Variants in ZPBP observed in about 807,000 individuals in gnomAD.
ZPBP encodes zona pellucida binding protein.
In ZPBP, 26 loss-of-function variants were observed where a neutral mutation model predicts 44.8. That is an observed-to-expected ratio of 0.58 (90% CI 0.43 to 0.81). ZPBP has a LOEUF of 0.81. ZPBP is among the 30% of genes least tolerant of loss of function. The pLI is 0.00. For missense variants in ZPBP, 409 were observed against 434.0 expected (o/e 0.94, Z 0.51); for synonymous variants, 174 against 153.2 (o/e 1.14, Z -1.00).
chr7:50,084,535 A>G (rs1037494464), intron 2 of ZPBP, among the ~76,000 whole-genome samples: 5 of 151,942 alleles, frequency 3.3e-5, no homozygotes, highest in African/African-American at 1.2e-4. Flanking sequence ...AGGGTCACAA[A>G]TCTGAAAAGT....
chr7:49,858,395 G>A (rs1790510892), intron 2 of ZPBP, among the ~76,000 whole-genome samples: 1 of 152,104 alleles, frequency 6.6e-6, no homozygotes, highest in Non-Finnish European at 1.5e-5. Context: ...ATGAGTTCAT[G>A]TCCTTTGTAG....
chr7:49,892,323 A>G (rs923355353), intron 2 of ZPBP, among the ~76,000 whole-genome samples: 9 of 152,022 alleles, frequency 5.9e-5, no homozygotes, highest in East Asian at 3.9e-4. Flanking sequence ...TGGGATTACA[A>G]GCGTGAGCCA....
At chr7:50,072,237 G>A (rs963839342) in intron 3 of ZPBP, among the ~76,000 whole-genome samples, 4 of 152,206 alleles carry the variant, frequency 2.6e-5, no homozygotes, top group African/African-American at 9.6e-5. Context: ...TGGGGGTGGT[G>A]GTGGCTATCA....
At chr7:50,082,905 A>G (rs1396899251) in intron 2 of ZPBP, among the ~76,000 whole-genome samples, 2 of 151,808 alleles carry the variant, frequency 1.3e-5, no homozygotes, top group African/African-American at 4.8e-5. Flanking sequence ...TGCTTACCCC[A>G]TAAATTTTCA....
intron 4 of ZPBP, among the ~76,000 whole-genome samples, chr7:50,036,389 A>G (rs1799828147): frequency 6.6e-6 from 1 of 152,138 alleles, no homozygotes; most frequent in African/African-American, 2.4e-5. Flanking sequence ...TGACCTTGTG[A>G]TCCACTCTCC....
At chr7:49,913,990 C>T (rs576614472) in intron 1 of ZPBP, 3 of 152,164 alleles carry the variant, frequency 2.0e-5, no homozygotes, top group Non-Finnish European at 2.9e-5. Context: ...CATGAAAATA[C>T]TCAGGGGAAT....
rs1197262839 is a variant in ZPBP, at chr7:49,982,194, ATATT to A, written c.961+1144_961+1147del. ...ATATATATATAATTTATTATTATAT[ATATT>A]TATTATATATATATATAATGTAATA... On this transcript the variant is annotated intron_variant, in intron 7 of 7. Transcript: ENST00000046087. 1.7e-3 allele frequency among the ~76,000 whole-genome samples: 65 copies of A among 37,606 alleles called. 13 individuals carry two copies. The highest frequency in any genetic ancestry group is 3.9e-3 in the South Asian group (6 of 1,522). 24.7% of individuals were successfully genotyped at this position (37,606 alleles called of 152,430 possible). A position where few individuals can be genotyped will look rare whatever the true frequency, so the allele number is the denominator to read the frequency against.
intron 7 of ZPBP, among the ~76,000 whole-genome samples, chr7:49,972,345 T>G (rs915408205): frequency 6.6e-6 from 1 of 151,904 alleles, no homozygotes; most frequent in African/African-American, 2.4e-5. Context: ...ATCCTCAAGA[T>G]TCTAAAAAAA....
chr7:49,993,942 G>A (rs1682057967), intron 6 of ZPBP, among the ~76,000 whole-genome samples: 1 of 152,182 alleles, frequency 6.6e-6, no homozygotes, highest in Non-Finnish European at 1.5e-5. Flanking sequence ...CTCCTTTGCT[G>A]TAGTCACCCA....
intron 2 of ZPBP, among the ~76,000 whole-genome samples, chr7:49,882,782 T>C (rs1791724490): frequency 6.6e-6 from 1 of 152,068 alleles, no homozygotes; most frequent in Non-Finnish European, 1.5e-5. Context: ...GATTCCCAAC[T>C]TTTTTTTCTA....
intron 7 of ZPBP, among the ~76,000 whole-genome samples, chr7:49,949,835 C>T (rs1795260966): frequency 1.3e-5 from 2 of 151,872 alleles, no homozygotes; most frequent in Admixed American, 1.3e-4. Flanking sequence ...GATATATACA[C>T]ATTCATATAT....
intron 1 of ZPBP, among the ~76,000 whole-genome samples, chr7:49,924,187 A>G (rs537121925): frequency 4.0e-5 from 6 of 151,462 alleles, no homozygotes; most frequent in Non-Finnish European, 8.8e-5. Flanking sequence ...AAAAGCACAA[A>G]TAAGTACTAG....
intron 7 of ZPBP, among the ~76,000 whole-genome samples, chr7:49,971,149 T>C (rs1796290366): frequency 6.6e-6 from 1 of 151,890 alleles, no homozygotes; most frequent in South Asian, 2.1e-4. Flanking sequence ...AAAGCAGTGG[T>C]AAGAGGGATA....
At chr7:49,910,286 G>C (rs917998642) in intron 1 of ZPBP, among the ~76,000 whole-genome samples, 1 of 152,118 alleles carries the variant, frequency 6.6e-6, no homozygotes, top group Non-Finnish European at 1.5e-5. Context: ...TTATTCAAAG[G>C]CCAGTTGTTA....
intron 7 of ZPBP, among the ~76,000 whole-genome samples, chr7:49,954,829 A>C (rs1249454037): frequency 6.6e-6 from 1 of 152,194 alleles, no homozygotes; most frequent in Admixed American, 6.5e-5. Context: ...GAAAATAAAA[A>C]AACAGGGATA....
chr7:49,990,149 AC>A (rs1797499627), intron 6 of ZPBP, among the ~76,000 whole-genome samples: 1 of 152,238 alleles, frequency 6.6e-6, no homozygotes, highest in Non-Finnish European at 1.5e-5. Flanking sequence ...AAGGCACAGA[AC>A]AGGTAAGCAT....
intron 2 of ZPBP, among the ~76,000 whole-genome samples, chr7:49,851,162 G>A (rs1790164283): frequency 1.3e-5 from 2 of 152,188 alleles, no homozygotes; most frequent in Admixed American, 1.3e-4. Flanking sequence ...AGGCTTCACT[G>A]CAGGCTCTGC....
intron 2 of ZPBP, among the ~76,000 whole-genome samples, chr7:50,082,282 G>A (rs1802406520): frequency 6.6e-6 from 1 of 151,758 alleles, no homozygotes; most frequent in African/African-American, 2.4e-5. Flanking sequence ...CATGATTAGA[G>A]CTTAAAAATT....
chr7:50,063,537 G>C (rs969381543), intron 3 of ZPBP, among the ~76,000 whole-genome samples: 3 of 152,166 alleles, frequency 2.0e-5, no homozygotes, highest in Admixed American at 1.3e-4. Context: ...GGATGAGGCA[G>C]ATGCCAAGAA....
Sources: gnomAD v4.1 joint callset for allele counts (sites outside exome capture counted in the v4.1 genomes callset) on GRCh38, gnomAD v4.1.1 for gene constraint, MANE v1.5 for transcripts, NCBI Gene and HGNC (gene_info 2026-07-23, HGNC 2026-07-21) for gene names.